EXOSC10: variants seen among roughly 807,000 people sequenced by gnomAD.
EXOSC10 encodes the protein exosome component 10, also known as exosome complex component 10.
Under a neutral mutation model 126.6 loss-of-function variants are expected in EXOSC10, and 94 were observed. That is an observed-to-expected ratio of 0.74 (90% CI 0.63 to 0.88). The LOEUF (loss-of-function observed/expected upper bound fraction) is 0.88, where lower values mean the gene tolerates loss of function less well. Ranked by LOEUF, EXOSC10 falls within the 40% of genes least tolerant of loss-of-function variation. The pLI is 0.00. For synonymous variants in EXOSC10, 395 were observed against 400.8 expected (o/e 0.99, Z 0.17); for missense variants, 1,041 against 1,100.5 (o/e 0.95, Z 0.77).
chr1:11,097,243 T>C (rs1201857511), intron 2 of EXOSC10, among the ~76,000 whole-genome samples: 4 of 148,404 alleles, frequency 2.7e-5, no homozygotes, highest in Non-Finnish European at 5.9e-5. Flanking sequence ...CTGGTCGTGG[T>C]GGTGTACACC....
intron 1 of EXOSC10, 21 bp downstream of exon 1, chr1:11,099,700 C>T (rs1641326357): frequency 2.5e-6 from 4 of 1,588,470 alleles, no homozygotes; most frequent in South Asian, 2.3e-5. Context: ...TCCTGGTACC[C>T]CCGAGGCCCC....
In EXOSC10 at chr1:11,068,368, G is replaced by C. The variant is rs951363009; in HGVS notation, c.2550+277C>G. 50 of 591,306 alleles carry C rather than the reference G, an allele frequency of 8.5e-5. 1 individual carries two copies. The highest frequency in any genetic ancestry group is 5.4e-4 in the South Asian group (26 of 48,234). 36.6% of individuals were successfully genotyped at this position (591,306 alleles called of 1,614,324 possible). On this transcript the variant is annotated intron_variant, in intron 23 of 24. Coordinates refer to ENST00000376936, the MANE Select transcript of EXOSC10 (RefSeq NM_001001998.3). ...ACCCACGAGGGGTGAATGCAGGCTT[G>C]TGCTGGCCCCAAAGGGGGTGCTTTT...
At position 11,080,562 on chromosome 1, in the gene EXOSC10, AAACAC is replaced by A. The variant is rs772082990; in HGVS notation, c.1587-18_1587-14del. 126 of 1,478,182 alleles carry A rather than the reference AAACAC, an allele frequency of 8.5e-5. No individual in the cohort carries two copies. The East Asian group carries it at 2.0e-3, about 24-fold the overall frequency. 91.6% of individuals were successfully genotyped at this position (1,478,182 alleles called of 1,614,324 possible). ...TGGCAGTACATATCTGGAAAAAAAAAAACACACACACACACACACACACACACACA... is the reference window on the plus strand; with the variant it reads ...TGGCAGTACATATCTGGAAAAAAAAAACACACACACACACACACACACACA... On this transcript the variant is annotated splice_polypyrimidine_tract_variant and intron_variant, in intron 12 of 24. Transcript: ENST00000376936.
At chr1:11,072,350 C>A (rs374442325) in intron 19 of EXOSC10, 179 bp from the exon 20 acceptor site, 1 of 558,026 alleles carries the variant, frequency 1.8e-6, no homozygotes, top group Non-Finnish European at 3.2e-6. Context: ...TTGCTAAAAT[C>A]CCTATTAAGG....
chr1:11,068,123 T>A (rs370627269), intron 23 of EXOSC10, 39 bp from the exon 24 acceptor site: 28 of 1,559,642 alleles, frequency 1.8e-5, no homozygotes, highest in Non-Finnish European at 2.3e-5. Flanking sequence ...GGTGGGCACC[T>A]TGACCACAAG....
Position 11,077,350 on chromosome 1 carries a change from G to A in EXOSC10, c.1879+15C>T. On this transcript the variant is annotated intron_variant, in intron 16 of 24. Transcript: ENST00000376936. ...CCAACCTCTTCGGGACAGTCAGGAG[G>A]GCTCTCGACTTTACCACTGGTTGGG... 1 of 1,604,938 alleles carries A rather than the reference G, an allele frequency of 6.2e-7. No individual in the cohort carries two copies. The highest frequency in any genetic ancestry group is 8.5e-7 in the Non-Finnish European group (1 of 1,173,028).
Position 11,090,996 on chromosome 1 carries a change from A to T in EXOSC10, c.643+18T>A. The T allele has an allele frequency of 6.2e-7, 1 of 1,609,808 alleles. No individual in the cohort carries two copies. The highest frequency in any genetic ancestry group is 1.1e-5 in the South Asian group (1 of 90,366). Reference sequence around the variant, plus strand: ...AATAAAGTGAGACTCAAACACAGGCAAAGTATGCACTATTTACCTTGAGGG... The same window carrying T: ...AATAAAGTGAGACTCAAACACAGGCTAAGTATGCACTATTTACCTTGAGGG... On this transcript the variant is annotated intron_variant, in intron 5 of 24. Transcript: ENST00000376936.
chr1:11,073,293 T>C (rs1307679951), intron 19 of EXOSC10, among the ~76,000 whole-genome samples: 2 of 152,032 alleles, frequency 1.3e-5, no homozygotes, highest in African/African-American at 2.4e-5. Context: ...CCACGACGCC[T>C]GGCTAATTTT....
rs769513313 is a variant in EXOSC10 at position 11,079,762 on chromosome 1, G to C, written c.1698C>G (p.Ile566Met). Residue 566 changes from isoleucine (I) to methionine (M), a missense_variant, in exon 14 of 25, where the codon ATC becomes ATG. Physicochemically the swap from Ile to Met is conservative, Grantham distance 10. Transcript: ENST00000376936. ...GCTGGATTAAAAGGTGCATTTCGTT[G>C]ATCTGCTGCCGCACAAGGGGCGGTA... Reference protein sequence around the residue: ...NPVPPLVRQQINEMHLLIQQA... With the variant: ...NPVPPLVRQQMNEMHLLIQQA... 2 of 1,613,970 alleles carry C rather than the reference G, an allele frequency of 1.2e-6. No homozygotes were observed. Among genetic ancestry groups the C allele is most frequent in the African/African-American group, 1.3e-5 (1 of 75,032 alleles).
chr1:11,076,831 G>A lies in EXOSC10; in HGVS notation c.1986+11C>T. On this transcript the variant is annotated intron_variant, in intron 17 of 24. Transcript: ENST00000376936. ...TCCTCATCACCTCAGTGAAGTTTCT[G>A]TGCTACTCACATTAAATAACGTGAT... 1 of 1,596,786 alleles carries A rather than the reference G, an allele frequency of 6.3e-7. No individual in the cohort carries two copies. Among genetic ancestry groups the A allele is most frequent in the South Asian group, 1.1e-5 (1 of 90,806 alleles).
chr1:11,079,829 A>G lies in EXOSC10; in HGVS notation c.1638-7T>C. Reference sequence around the variant, plus strand: ...TATGATGCCCTGAGGTTCCCTGAAGACAAGTAAGAACACACTCAACTTGTC... The same window carrying G: ...TATGATGCCCTGAGGTTCCCTGAAGGCAAGTAAGAACACACTCAACTTGTC... On this transcript the variant is annotated splice_polypyrimidine_tract_variant and splice_region_variant and intron_variant, in intron 13 of 24. Transcript: ENST00000376936. 6.2e-7 allele frequency: 1 copy of G among 1,602,046 alleles called. No individual in the cohort carries two copies. Among genetic ancestry groups the G allele is most frequent in the Non-Finnish European group, 8.5e-7 (1 of 1,172,218 alleles).
chr1:11,099,582 TGC>T (rs1641315215), intron 1 of EXOSC10, 137 bp downstream of exon 1: 2 of 903,942 alleles, frequency 2.2e-6, no homozygotes, highest in South Asian at 1.8e-5. Flanking sequence ...CAGGAGAGTC[TGC>T]GCCCAGCGCG....
chr1:11,067,419 G>A (rs1369590046), intron 24 of EXOSC10, among the ~76,000 whole-genome samples: 5 of 146,226 alleles, frequency 3.4e-5, no homozygotes, highest in Non-Finnish European at 7.5e-5. Flanking sequence ...GCGACAGACC[G>A]AGACTCCATC....
intron 2 of EXOSC10, 30 bp downstream of exon 2, chr1:11,097,990 T>G: frequency 1.3e-6 from 2 of 1,484,548 alleles, no homozygotes; most frequent in Non-Finnish European, 1.8e-6. Flanking sequence ...TTCTTTTCAC[T>G]AACACAAGAA....
chr1:11,090,296 C>T (rs953458194), intron 6 of EXOSC10, among the ~76,000 whole-genome samples: 1 of 152,212 alleles, frequency 6.6e-6, no homozygotes. Context: ...CCGCGCCCAG[C>T]CTTCGTGTTT....
chr1:11,081,183 A>G lies in EXOSC10; in HGVS notation c.1336T>C (p.Tyr446His), dbSNP rs1342349918. The G allele has an allele frequency of 3.1e-6, 5 of 1,614,062 alleles. No individual in the cohort carries two copies. The highest frequency in any genetic ancestry group is 3.4e-6 in the Non-Finnish European group (4 of 1,180,048). ...YARDDTHYLLYIYDKMRLEMW... is the reference protein window; with the variant it reads ...YARDDTHYLLHIYDKMRLEMW... Reference sequence around the variant, plus strand: ...TCCAGCCTCATTTTGTCATAGATATATAGCAGGTAATGGGTGTCATCCCGG... The same window carrying G: ...TCCAGCCTCATTTTGTCATAGATATGTAGCAGGTAATGGGTGTCATCCCGG... Residue 446 changes from tyrosine to histidine, a missense_variant, in exon 11 of 25, where the codon TAT becomes CAT. Physicochemically the swap from Tyr to His is moderately conservative, Grantham distance 83. This residue lies in a region of EXOSC10 where 645 missense variants were observed against 656.3 expected (regional missense o/e 0.98). Transcript: ENST00000376936.
intron 2 of EXOSC10, among the ~76,000 whole-genome samples, chr1:11,096,626 GCACCACCA>G (rs1194766726): frequency 6.6e-6 from 1 of 151,090 alleles, no homozygotes; most frequent in African/African-American, 2.4e-5. Context: ...TGGGAGTGGT[GCACCACCA>G]CTCCCAGCTA....
At chr1:11,082,613 G>C in intron 10 of EXOSC10, 75 bp downstream of exon 10, 1 of 1,581,556 alleles carries the variant, frequency 6.3e-7, no homozygotes, top group Non-Finnish European at 8.6e-7. Context: ...TCAAACCCAG[G>C]TCTCTCTGGA....
At chr1:11,085,406 C>T (rs1640434343) in intron 9 of EXOSC10, among the ~76,000 whole-genome samples, 1 of 152,136 alleles carries the variant, frequency 6.6e-6, no homozygotes, top group African/African-American at 2.4e-5. Flanking sequence ...AATGGGAGTT[C>T]ACTCATGATT....
Sources: gnomAD v4.1 joint callset for allele counts (sites outside exome capture counted in the v4.1 genomes callset) on GRCh38, gnomAD v4.1.1 for gene constraint, gnomAD v4.1.1 regional missense constraint, MANE v1.5 for transcripts, NCBI Gene and HGNC (gene_info 2026-07-23, HGNC 2026-07-21) for gene names.